SMIM35: variants seen among roughly 807,000 people sequenced by gnomAD.
SMIM35 encodes small integral membrane protein 35, also known as TMPRSS4 antisense RNA 1 (non-protein coding).
intron 2 of SMIM35, among the ~76,000 whole-genome samples, chr11:118,015,479 G>A (rs943814135): frequency 6.6e-6 from 1 of 152,030 alleles, no homozygotes; most frequent in Non-Finnish European, 1.5e-5. Flanking sequence ...GGGGTGGGAG[G>A]AGCCCCCATT....
At chr11:118,018,132 G>T (rs943593355) in intron 1 of SMIM35, among the ~76,000 whole-genome samples, 8 of 152,292 alleles carry the variant, frequency 5.3e-5, no homozygotes, top group Middle Eastern at 3.4e-3. Flanking sequence ...TGCCTAGCAG[G>T]TTCCAGAAGC....
At chr11:118,057,321 G>A (rs1200295275) in intron 1 of SMIM35, among the ~76,000 whole-genome samples, 1 of 152,218 alleles carries the variant, frequency 6.6e-6, no homozygotes, top group African/African-American at 2.4e-5. Context: ...AAGACATGAG[G>A]CATTCCTATC....
chr11:118,030,243 C>T (rs1017965245), intron 1 of SMIM35, among the ~76,000 whole-genome samples: 1 of 152,012 alleles, frequency 6.6e-6, no homozygotes, highest in African/African-American at 2.4e-5. Context: ...CCATGTTGGC[C>T]AGGCTGGTTT....
chr11:118,054,857 G>A (rs1010782939), intron 1 of SMIM35, among the ~76,000 whole-genome samples: 2 of 148,408 alleles, frequency 1.3e-5, no homozygotes, highest in African/African-American at 5.0e-5. Context: ...AGGCTGGAGT[G>A]CAGTGGCCCG....
At chr11:118,023,991 G>C (rs1328594634) in intron 1 of SMIM35, among the ~76,000 whole-genome samples, 1 of 149,026 alleles carries the variant, frequency 6.7e-6, no homozygotes, top group African/African-American at 2.5e-5. Context: ...CTTCAGCCTG[G>C]GTGATAGAGT....
At chr11:118,073,962 C>T (rs765800502) in intron 1 of SMIM35, among the ~76,000 whole-genome samples, 7 of 152,228 alleles carry the variant, frequency 4.6e-5, no homozygotes, top group Non-Finnish European at 8.8e-5. Context: ...ATCTGGTGTG[C>T]ATAGAGCTCT....
At chr11:118,076,973 T>C (rs1026988950) in intron 1 of SMIM35, 2 of 319,048 alleles carry the variant, frequency 6.3e-6, no homozygotes, top group Admixed American at 4.9e-5. Flanking sequence ...CAGGTGTTGT[T>C]CCAGCCCCTA....
At chr11:118,048,111 T>C (rs530888063) in intron 1 of SMIM35, among the ~76,000 whole-genome samples, 1 of 152,154 alleles carries the variant, frequency 6.6e-6, no homozygotes, top group East Asian at 1.9e-4. Context: ...AGCTATGCAT[T>C]TATTTTCACG....
intron 1 of SMIM35, among the ~76,000 whole-genome samples, chr11:118,047,208 T>G (rs985465891): frequency 6.6e-6 from 1 of 152,100 alleles, no homozygotes; most frequent in Non-Finnish European, 1.5e-5. Context: ...TCTGCGAGGG[T>G]CTAAGGGGGT....
chr11:118,035,098 T>C (rs2508451), intron 1 of SMIM35, among the ~76,000 whole-genome samples: 152,008 of 152,088 alleles, frequency 1, 75,965 homozygotes, highest in Non-Finnish European at 1. Context: ...ACCGTAGGCA[T>C]CCGCCATTGT....
At chr11:118,033,261 G>A (rs2135060998) in intron 1 of SMIM35, among the ~76,000 whole-genome samples, 1 of 152,284 alleles carries the variant, frequency 6.6e-6, no homozygotes, top group South Asian at 2.1e-4. Context: ...AGTTTTGTCA[G>A]GACCATGTAG....
Position 118,080,400 on chromosome 11 carries a change from G to A in SMIM35, c.7+6351C>T, listed in dbSNP as rs145007720. ...CTGGAGCAAAGACTCCGGCACTCCA[G>A]GTCATGGGAGCTGCACCTGCCGAGG... is the stretch of plus-strand genomic sequence containing the variant. On this transcript the variant is annotated intron_variant, in intron 1 of 4. Transcript: ENST00000689828. Among the ~76,000 whole-genome samples the A allele has an allele frequency of 2.6e-5, 4 of 152,322 alleles. No individual in the cohort carries two copies. In the East Asian group the frequency reaches 7.7e-4, roughly 29 times the overall value.
At chr11:118,048,717 A>G (rs994314118) in intron 1 of SMIM35, among the ~76,000 whole-genome samples, 4 of 151,874 alleles carry the variant, frequency 2.6e-5, no homozygotes, top group Admixed American at 6.6e-5. Flanking sequence ...AGTATGGGGG[A>G]AAAAAACAAC....
At chr11:118,073,544 T>C (rs1250893927) in intron 1 of SMIM35, among the ~76,000 whole-genome samples, 1 of 152,198 alleles carries the variant, frequency 6.6e-6, no homozygotes, top group Non-Finnish European at 1.5e-5. Context: ...CTGTTGTGAA[T>C]GCCGAAAAGA....
At chr11:118,048,708 G>A (rs544644710) in intron 1 of SMIM35, among the ~76,000 whole-genome samples, 165 of 151,762 alleles carry the variant, frequency 1.1e-3, no homozygotes, top group Non-Finnish European at 1.8e-3. Flanking sequence ...AAGTCATAAA[G>A]TATGGGGGAA....
At chr11:118,018,536 G>C (rs1035309271) in intron 1 of SMIM35, among the ~76,000 whole-genome samples, 6 of 152,218 alleles carry the variant, frequency 3.9e-5, no homozygotes, top group African/African-American at 1.4e-4. Context: ...CTAAGGGTTA[G>C]TGACTCACAG....
chr11:118,055,801 CT>C (rs1245550756), intron 1 of SMIM35, among the ~76,000 whole-genome samples: 1 of 152,130 alleles, frequency 6.6e-6, no homozygotes, highest in African/African-American at 2.4e-5. Context: ...GGAGAAAGAG[CT>C]GCAGACCTCT....
chr11:118,016,761 A>T lies in SMIM35; in HGVS notation c.8-952T>A, dbSNP rs374900953. ...AATAAGACTAATATTAAATACACAT[A>T]GATTGTTGTGACAATTAAAAGAGAT... On this transcript the variant is annotated intron_variant, in intron 1 of 4. Transcript: ENST00000689828. Among the ~76,000 whole-genome samples the T allele has an allele frequency of 3.7e-4, 57 of 152,368 alleles. No individual in the cohort carries two copies. In the South Asian group the frequency reaches 0.012, roughly 31 times the overall value.
chr11:118,033,097 T>A (rs2058331516), intron 1 of SMIM35, among the ~76,000 whole-genome samples: 1 of 152,230 alleles, frequency 6.6e-6, no homozygotes, highest in Non-Finnish European at 1.5e-5. Flanking sequence ...TCAGCTCTCA[T>A]CAATTAAGTC....
Sources: gnomAD v4.1 joint callset for allele counts (sites outside exome capture counted in the v4.1 genomes callset) on GRCh38, gnomAD v4.1.1 for gene constraint, MANE v1.5 for transcripts, NCBI Gene and HGNC (gene_info 2026-07-23, HGNC 2026-07-21) for gene names.